PEBP4: variants seen among roughly 807,000 people sequenced by gnomAD.
PEBP4 encodes the protein phosphatidylethanolamine binding protein 4.
Under a neutral mutation model 23.9 loss-of-function variants are expected in PEBP4, and 22 were observed. That is an observed-to-expected ratio of 0.92 (90% CI 0.66 to 1.31). PEBP4 has a LOEUF of 1.31. Among genes scored for constraint, PEBP4 ranks in the 40% most tolerant of loss-of-function variants. The probability of loss-of-function intolerance (pLI) is 0.00; values close to 1 mark genes in which losing one functional copy is unlikely to be tolerated. For synonymous variants in PEBP4, 112 were observed against 99.3 expected, an observed-to-expected ratio of 1.13 and a Z score of -0.76; for missense variants, 324 against 281.7, an observed-to-expected ratio of 1.15 and a Z score of -1.07.
chr8:22,877,479 G>A (rs113006329), intron 3 of PEBP4, among the ~76,000 whole-genome samples: 6 of 152,204 alleles, frequency 3.9e-5, no homozygotes, highest in Non-Finnish European at 7.3e-5. Flanking sequence ...GGCAGAGCCA[G>A]CCAGAGCCAG....
At chr8:22,841,870 G>A (rs1029330714) in intron 3 of PEBP4, among the ~76,000 whole-genome samples, 10 of 152,234 alleles carry the variant, frequency 6.6e-5, no homozygotes, top group Non-Finnish European at 8.8e-5. Flanking sequence ...CACTGCCTTC[G>A]CAGAGAACCA....
At chr8:22,814,469 G>A (rs1267433675) in intron 4 of PEBP4, among the ~76,000 whole-genome samples, 1 of 152,180 alleles carries the variant, frequency 6.6e-6, no homozygotes, top group Non-Finnish European at 1.5e-5. Flanking sequence ...TCTTTGGAGT[G>A]GAGGTGGGGG....
At chr8:22,772,612 TG>T (rs749358807) in intron 4 of PEBP4, among the ~76,000 whole-genome samples, 14 of 152,034 alleles carry the variant, frequency 9.2e-5, no homozygotes, top group African/African-American at 1.4e-4. Flanking sequence ...CCTCCTGTCT[TG>T]GCCTCCCAAA....
Position 22,910,935 on chromosome 8 carries a change from C to T in PEBP4, c.258+9249G>A, listed in dbSNP as rs547327053. On this transcript the variant is annotated intron_variant, in intron 3 of 6. Transcript: ENST00000256404. ...CACCAAGAGTGAGCCCTAATGTGAA[C>T]TATGGATTTGGGTGATACTGATGTA... Among the ~76,000 whole-genome samples the T allele has an allele frequency of 5.4e-5, 6 of 110,986 alleles. No individual in the cohort carries two copies. In the South Asian group the frequency reaches 1.5e-3, roughly 27 times the overall value. 72.8% of individuals were successfully genotyped at this position (110,986 alleles called of 152,430 possible). A position where few individuals can be genotyped will look rare whatever the true frequency, so the allele number is the denominator to read the frequency against.
chr8:22,928,420 G>A (rs1022078136), upstream of PEBP4, among the ~76,000 whole-genome samples: 2 of 152,222 alleles, frequency 1.3e-5, no homozygotes, highest in African/African-American at 2.4e-5. Flanking sequence ...CAGCTGTGCT[G>A]CACTCAGCAC....
intron 3 of PEBP4, among the ~76,000 whole-genome samples, chr8:22,892,352 A>G (rs1808511510): frequency 6.6e-6 from 1 of 152,192 alleles, no homozygotes; most frequent in African/African-American, 2.4e-5. Flanking sequence ...ACTGCTGTGT[A>G]GCATCACCAC....
At chr8:22,770,612 T>C (rs1325993739) in intron 4 of PEBP4, among the ~76,000 whole-genome samples, 2 of 152,220 alleles carry the variant, frequency 1.3e-5, no homozygotes, top group African/African-American at 4.8e-5. Context: ...TGTGACTGTG[T>C]GATTTTTCAA....
At chr8:22,915,321 T>C (rs1412431807) in intron 3 of PEBP4, among the ~76,000 whole-genome samples, 1 of 152,124 alleles carries the variant, frequency 6.6e-6, no homozygotes, top group Non-Finnish European at 1.5e-5. Context: ...AGATAAACTC[T>C]AAACTCCACA....
intron 3 of PEBP4, among the ~76,000 whole-genome samples, chr8:22,891,753 G>C (rs1389670338): frequency 6.6e-6 from 1 of 152,154 alleles, no homozygotes; most frequent in Non-Finnish European, 1.5e-5. Flanking sequence ...CTCCCACCAT[G>C]GACCACAGCC....
intron 3 of PEBP4, among the ~76,000 whole-genome samples, 199 bp from the exon 4 acceptor site, chr8:22,817,934 C>G (rs1806779019): frequency 6.6e-6 from 1 of 152,160 alleles, no homozygotes; most frequent in Non-Finnish European, 1.5e-5. Flanking sequence ...GTGAAGCAGA[C>G]AGCAGGACTC....
chr8:22,844,782 G>A (rs571393487), intron 3 of PEBP4, among the ~76,000 whole-genome samples: 12 of 152,254 alleles, frequency 7.9e-5, no homozygotes, highest in East Asian at 5.8e-4. Context: ...AGAATCTGAC[G>A]TATCTGGGAT....
intron 4 of PEBP4, among the ~76,000 whole-genome samples, chr8:22,817,263 C>T (rs1019153300): frequency 6.6e-6 from 1 of 152,226 alleles, no homozygotes; most frequent in African/African-American, 2.4e-5. Flanking sequence ...CCCCCAAATC[C>T]AGTGGTGTGC....
At chr8:22,819,031 T>C (rs1420308012) in intron 3 of PEBP4, among the ~76,000 whole-genome samples, 1 of 152,162 alleles carries the variant, frequency 6.6e-6, no homozygotes, top group Non-Finnish European at 1.5e-5. Context: ...GAAATGCCCC[T>C]CAGAATATAG....
chr8:22,796,011 T>G (rs747855293), intron 4 of PEBP4, among the ~76,000 whole-genome samples: 1 of 152,200 alleles, frequency 6.6e-6, no homozygotes, highest in African/African-American at 2.4e-5. Context: ...ATGTTTACAA[T>G]TGGAATGGTG....
intron 4 of PEBP4, among the ~76,000 whole-genome samples, chr8:22,810,908 G>GAGAA (rs1806612939): frequency 6.7e-6 from 1 of 148,566 alleles, no homozygotes; most frequent in South Asian, 2.1e-4. Flanking sequence ...GAGAGAGAGA[G>GAGAA]AGAGAGAAAC....
intron 4 of PEBP4, among the ~76,000 whole-genome samples, chr8:22,787,186 G>T (rs921616319): frequency 1.3e-5 from 2 of 152,124 alleles, no homozygotes; most frequent in Non-Finnish European, 2.9e-5. Flanking sequence ...TGTAGGGGTG[G>T]GTTCCTCTAG....
chr8:22,913,673 G>A (rs1231642947), intron 3 of PEBP4, among the ~76,000 whole-genome samples: 1 of 152,162 alleles, frequency 6.6e-6, no homozygotes, highest in Non-Finnish European at 1.5e-5. Context: ...CAAAGGAGCT[G>A]GACACCCTTT....
chr8:22,737,263 C>A (rs1373526949), intron 4 of PEBP4, among the ~76,000 whole-genome samples: 1 of 137,854 alleles, frequency 7.3e-6, no homozygotes, highest in Non-Finnish European at 1.5e-5. Flanking sequence ...CACTGCACTC[C>A]AGCGTGGGCA....
At chr8:22,939,362 A>G (rs1339738200) in intron 1 of PEBP4, among the ~76,000 whole-genome samples, 1 of 152,206 alleles carries the variant, frequency 6.6e-6, no homozygotes, top group Non-Finnish European at 1.5e-5. Context: ...AAGCCCTTCA[A>G]TGAAAAGGAA....
Sources: allele counts gnomAD v4.1 joint callset (sites outside exome capture counted in the v4.1 genomes callset), GRCh38; gene constraint gnomAD v4.1.1; transcripts MANE v1.5; gene names NCBI Gene and HGNC (gene_info 2026-07-23, HGNC 2026-07-21).